The following PODXL variants were observed in gnomAD, a reference collection of about 807,000 sequenced individuals.
PODXL encodes podocalyxin like.
A neutral mutation model predicts 48.9 loss-of-function variants in PODXL; 20 were observed. That is an observed-to-expected ratio of 0.41 (90% CI 0.29 to 0.59). PODXL has a LOEUF of 0.59. Among genes scored for constraint, PODXL ranks in the 20% least tolerant of loss-of-function variants. The pLI is 0.31. For missense variants in PODXL, 606 were observed against 675.1 expected (o/e 0.90, Z 1.13); for synonymous variants, 295 against 287.4 (o/e 1.03, Z -0.27).
At position 131,524,366 on chromosome 7, in the gene PODXL, A is replaced by ACG. The variant is rs1554385073; in HGVS notation, c.101-12934_101-12933insCG. Reference sequence around the variant, plus strand: ...ATAGGAAACACACACACACACGCACACACACACACACACAGAGAGAGAGAG... The same window carrying ACG: ...ATAGGAAACACACACACACACGCACACGCACACACACACACAGAGAGAGAGAG... On this transcript the variant is annotated intron_variant, in intron 1 of 8. Coordinates refer to ENST00000378555, the MANE Select transcript of PODXL (RefSeq NM_001018111.3). Among the ~76,000 whole-genome samples, 21 of 107,476 alleles carry ACG rather than the reference A, an allele frequency of 2.0e-4. 1 individual carries two copies. Among genetic ancestry groups the ACG allele is most frequent in the Middle Eastern group, 4.1e-3 (1 of 246 alleles). The allele number at this position is 107,476 out of a possible 152,430, so 70.5% of individuals were successfully genotyped here.
At chr7:131,513,261 G>C (rs139446494) in intron 1 of PODXL, among the ~76,000 whole-genome samples, 2 of 152,178 alleles carry the variant, frequency 1.3e-5, no homozygotes, top group Non-Finnish European at 2.9e-5. Context: ...AATGAACAGC[G>C]TTGGCCACAG....
intron 1 of PODXL, among the ~76,000 whole-genome samples, chr7:131,533,993 G>A (rs1021917189): frequency 6.6e-6 from 1 of 152,226 alleles, no homozygotes; most frequent in East Asian, 1.9e-4. Flanking sequence ...GAAAGTGCCC[G>A]ATCTATGGCA....
At position 131,506,255 on chromosome 7, in the gene PODXL, C is replaced by G; in HGVS notation, c.1311+5G>C. 1 of 1,614,138 alleles carries G rather than the reference C, an allele frequency of 6.2e-7. No individual in the cohort carries two copies. The highest frequency in any genetic ancestry group is 8.5e-7 in the Non-Finnish European group (1 of 1,179,964). ...CTCTGTCCCCACACTTGGGGGGCCG[C>G]TTACCTCCTTTAGTTCATCCCATTT... On this transcript the variant is annotated splice_donor_5th_base_variant and intron_variant, in intron 7 of 8. Coordinates refer to ENST00000378555, the MANE Select transcript of PODXL (RefSeq NM_001018111.3).
chr7:131,504,465 T>C lies in PODXL; in HGVS notation c.1523A>G (p.His508Arg). Residue 508 changes from histidine (H) to arginine (R), a missense_variant, in exon 9 of 9, where the codon CAT (histidine) becomes CGT (arginine). Transcript: ENST00000378555. ...CATCACTTCCAGTGTTGGGTTGTCA[T>C]GGTAACCATTCTCCACTGTCTGCAG... ...EELQTVENGYHDNPTLEVMET... is the reference protein window; with the variant it reads ...EELQTVENGYRDNPTLEVMET... 6.2e-7 allele frequency: 1 copy of C among 1,614,236 alleles called. No homozygotes were observed. Among genetic ancestry groups the C allele is most frequent in the Non-Finnish European group, 8.5e-7 (1 of 1,180,030 alleles).
chr7:131,544,043 GCCAGCT>G (rs1798524756), intron 1 of PODXL, among the ~76,000 whole-genome samples: 1 of 152,228 alleles, frequency 6.6e-6, no homozygotes, highest in South Asian at 2.1e-4. Context: ...GAGCCACTGG[GCCAGCT>G]CCTCATTCAC....
intron 8 of PODXL, among the ~76,000 whole-genome samples, 200 bp from the exon 9 acceptor site, chr7:131,504,708 C>A (rs1413277985): frequency 2.6e-5 from 4 of 152,142 alleles, no homozygotes; most frequent in African/African-American, 9.7e-5. Context: ...AAGACTTGCC[C>A]CTCACCCTCA....
At chr7:131,509,143 G>A (rs1181385251) in intron 4 of PODXL, 115 bp from the exon 5 acceptor site, 12 of 999,116 alleles carry the variant, frequency 1.2e-5, no homozygotes, top group Non-Finnish European at 1.8e-5. Flanking sequence ...CTGGAGGCAT[G>A]GCTGGACCCA....
At position 131,524,246 on chromosome 7, in the gene PODXL, G is replaced by A. The variant is rs115991486; in HGVS notation, c.101-12813C>T. ...GCTAACATCATACTTAATGGGAAGA[G>A]ATTGAATGCTTTGCTGTGAAGTTTG... is the stretch of plus-strand genomic sequence containing the variant. On this transcript the variant is annotated intron_variant, in intron 1 of 8. Coordinates refer to ENST00000378555, the MANE Select transcript of PODXL (RefSeq NM_001018111.3). Among the ~76,000 whole-genome samples the A allele has an allele frequency of 5.3e-3, 801 of 152,150 alleles. 10 individuals are homozygous for A. The highest frequency in any genetic ancestry group is 0.018 in the African/African-American group (767 of 41,504).
At chr7:131,531,102 G>A (rs1319814589) in intron 1 of PODXL, among the ~76,000 whole-genome samples, 1 of 152,094 alleles carries the variant, frequency 6.6e-6, no homozygotes, top group Admixed American at 6.5e-5. Flanking sequence ...TGCCCCAGCG[G>A]TCTGGTCATC....
chr7:131,521,782 A>G (rs1798095741), intron 1 of PODXL, among the ~76,000 whole-genome samples: 1 of 152,210 alleles, frequency 6.6e-6, no homozygotes, highest in African/African-American at 2.4e-5. Context: ...GGAAGCCTTG[A>G]AAAAGCAAAC....
At chr7:131,507,120 G>A (rs10240799) in intron 5 of PODXL, among the ~76,000 whole-genome samples, 2,388 of 152,264 alleles carry the variant, frequency 0.016, 43 homozygotes, top group African/African-American at 0.052. Flanking sequence ...CAGCCCGCAG[G>A]GAGACTCCAA....
At chr7:131,522,230 C>G (rs755627485) in intron 1 of PODXL, among the ~76,000 whole-genome samples, 2 of 152,152 alleles carry the variant, frequency 1.3e-5, no homozygotes, top group African/African-American at 2.4e-5. Context: ...GTGGGTAGAT[C>G]ACCTGAGGTC....
Position 131,504,281 on chromosome 7 carries a change from G to A in PODXL, c.*30C>T, listed in dbSNP as rs1235657146. ...TGGGGTGGTTGGTCTGGAGCTCTGTGGTGCTGCTGGAGGCCACCGGCAGAC... is the reference window on the plus strand; with the variant it reads ...TGGGGTGGTTGGTCTGGAGCTCTGTAGTGCTGCTGGAGGCCACCGGCAGAC... On this transcript the variant is annotated 3_prime_UTR_variant, in exon 9 of 9. Transcript: ENST00000378555. 1 of 1,594,910 alleles carries A rather than the reference G, an allele frequency of 6.3e-7. No homozygotes were observed. The highest frequency in any genetic ancestry group is 1.7e-5 in the Admixed American group (1 of 59,844).
At chr7:131,518,270 T>C (rs1328803585) in intron 1 of PODXL, among the ~76,000 whole-genome samples, 4 of 152,174 alleles carry the variant, frequency 2.6e-5, no homozygotes, top group Non-Finnish European at 5.9e-5. Flanking sequence ...CCAGGAGTCT[T>C]TCAAACATTC....
intron 1 of PODXL, among the ~76,000 whole-genome samples, chr7:131,550,908 C>T (rs1027728193): frequency 2.6e-5 from 4 of 152,036 alleles, no homozygotes; most frequent in African/African-American, 9.7e-5. Flanking sequence ...CCATTTGAAA[C>T]AAGCAGGTTG....
rs1390776345 is a variant in PODXL, at chr7:131,556,585, GGCGGCTGCGTCCTGGGCGGCGTCTGC to G, written c.-252_-227del. 1.3e-5 allele frequency: 5 copies of G among 391,274 alleles called. No individual in the cohort carries two copies. The highest frequency in any genetic ancestry group is 4.8e-5 in the East Asian group (1 of 20,834). 24.2% of individuals were successfully genotyped at this position (391,274 alleles called of 1,614,324 possible). On this transcript the variant is annotated 5_prime_UTR_variant, in exon 1 of 9. Coordinates refer to ENST00000378555, the MANE Select transcript of PODXL (RefSeq NM_001018111.3). ...CCAGTGGCAGAGGAGCGGCGGCGGC[GGCGGCTGCGTCCTGGGCGGCGTCTGC>G]GCGGCTGCGGCCCCACTGGCGGCTG... is the stretch of plus-strand genomic sequence containing the variant.
At chr7:131,533,433 G>A (rs565016955) in intron 1 of PODXL, among the ~76,000 whole-genome samples, 6 of 152,328 alleles carry the variant, frequency 3.9e-5, no homozygotes, top group Admixed American at 2.0e-4. Flanking sequence ...TTATCAGCTT[G>A]TTTCAGCTGG....
intron 1 of PODXL, among the ~76,000 whole-genome samples, chr7:131,549,781 T>G (rs1202701672): frequency 6.6e-6 from 1 of 152,124 alleles, no homozygotes; most frequent in East Asian, 1.9e-4. Flanking sequence ...GCCATGACAA[T>G]TGGTGGACGA....
At position 131,503,615 on chromosome 7, in the gene PODXL, C is replaced by T; in HGVS notation, c.*696G>A. On this transcript the variant is annotated 3_prime_UTR_variant, in exon 9 of 9. Coordinates refer to ENST00000378555, the MANE Select transcript of PODXL (RefSeq NM_001018111.3). ...AAGCAAATGTGAGAAAATCCGAATC[C>T]AGAACAAGGGGTTCAAGGTTATGAA... 1 of 152,398 alleles carries T rather than the reference C, an allele frequency of 6.6e-6. No individual in the cohort carries two copies. The highest frequency in any genetic ancestry group is 1.9e-4 in the East Asian group (1 of 5,194). The allele number at this position is 152,398 out of a possible 1,614,324, so 9.4% of individuals were successfully genotyped here. A position where few individuals can be genotyped will look rare whatever the true frequency, so the allele number is the denominator to read the frequency against.
Sources: gnomAD v4.1 joint callset for allele counts (sites outside exome capture counted in the v4.1 genomes callset) on GRCh38, gnomAD v4.1.1 for gene constraint, MANE v1.5 for transcripts, NCBI Gene and HGNC (gene_info 2026-07-23, HGNC 2026-07-21) for gene names.